USH2A: variants seen among roughly 807,000 people sequenced by gnomAD.
USH2A encodes usherin, also known as Usher syndrome 2A (autosomal recessive, mild).
A neutral mutation model predicts 538.9 loss-of-function variants in USH2A; 443 were observed. The ratio of observed to expected loss-of-function variants is 0.82; its 90% CI spans 0.76 to 0.89. The LOEUF is 0.89. USH2A is among the 40% of genes least tolerant of loss of function. The pLI, the probability that USH2A is intolerant of heterozygous loss-of-function variation, is 0.00. For missense variants in USH2A, 6,633 were observed against 6,324.8 expected, an observed-to-expected ratio of 1.05 and a Z score of -1.65; for synonymous variants, 2,413 against 2,273.5, an observed-to-expected ratio of 1.06 and a Z score of -1.75.
chr1:216,129,792 A>G (rs904868687), intron 21 of USH2A, among the ~76,000 whole-genome samples: 1 of 152,116 alleles, frequency 6.6e-6, no homozygotes, highest in Non-Finnish European at 1.5e-5. Context: ...GCATCACATT[A>G]CCTGACTTCA....
chr1:215,649,163 A>G (rs1393588025), intron 65 of USH2A, among the ~76,000 whole-genome samples: 3 of 152,226 alleles, frequency 2.0e-5, no homozygotes, highest in African/African-American at 4.8e-5. Context: ...TCTAGTCAGC[A>G]TTCACCAAGG....
intron 21 of USH2A, among the ~76,000 whole-genome samples, chr1:216,140,859 G>A (rs927222725): frequency 1.3e-5 from 2 of 152,174 alleles, no homozygotes; most frequent in Non-Finnish European, 2.9e-5. Context: ...TGGACCCAAA[G>A]GCCACAGGCT....
intron 47 of USH2A, among the ~76,000 whole-genome samples, chr1:215,833,584 C>A (rs1470439451): frequency 6.6e-6 from 1 of 151,836 alleles, no homozygotes; most frequent in African/African-American, 2.4e-5. Context: ...TGTAAACATA[C>A]AAATGTTCTA....
chr1:216,202,649 C>T (rs2035025607), intron 16 of USH2A, among the ~76,000 whole-genome samples: 1 of 152,134 alleles, frequency 6.6e-6, no homozygotes, highest in South Asian at 2.1e-4. Context: ...GGCTGATACC[C>T]TCCTGGTTTG....
intron 32 of USH2A, among the ~76,000 whole-genome samples, chr1:216,039,386 A>G (rs2030159248): frequency 6.6e-6 from 1 of 152,018 alleles, no homozygotes; most frequent in Non-Finnish European, 1.5e-5. Flanking sequence ...TGACTGAGAC[A>G]TCAAAGGGAA....
intron 21 of USH2A, among the ~76,000 whole-genome samples, chr1:216,119,526 ATGT>A (rs1199599981): frequency 6.6e-6 from 1 of 152,036 alleles, no homozygotes; most frequent in Non-Finnish European, 1.5e-5. Flanking sequence ...TAGGAACTCT[ATGT>A]TGTTTTAAAG....
At chr1:215,782,662 T>C (rs982455609) in intron 53 of USH2A, 76 bp downstream of exon 53, 6 of 1,481,974 alleles carry the variant, frequency 4.0e-6, no homozygotes, top group Admixed American at 1.7e-5. Flanking sequence ...GGCAATTAAA[T>C]GTAGATTGTA....
intron 21 of USH2A, among the ~76,000 whole-genome samples, chr1:216,164,435 G>T (rs2034126842): frequency 6.6e-6 from 1 of 152,032 alleles, no homozygotes; most frequent in Non-Finnish European, 1.5e-5. Context: ...AGAAGTGGAA[G>T]AAAAGAATCC....
At chr1:215,865,165 A>G (rs1462928463) in intron 44 of USH2A, among the ~76,000 whole-genome samples, 1 of 152,206 alleles carries the variant, frequency 6.6e-6, no homozygotes, top group Admixed American at 6.5e-5. Flanking sequence ...TAATTTACTT[A>G]AGATAGCAAG....
intron 14 of USH2A, among the ~76,000 whole-genome samples, chr1:216,218,457 G>A (rs2035388289): frequency 6.6e-6 from 1 of 152,010 alleles, no homozygotes; most frequent in African/African-American, 2.4e-5. Context: ...CTCTCCTTGT[G>A]GTACGTTTAA....
rs537897368 is a variant in USH2A, at chr1:215,858,532, C to T, written c.8845+8475G>A. ...TCGTCTCTTCACCTTCTGCCATGAT[C>T]GTAAGTTTCCTGAGGCCTTTCCAGC... is the stretch of plus-strand genomic sequence containing the variant. On this transcript the variant is annotated intron_variant, in intron 44 of 71. Coordinates refer to ENST00000307340, the MANE Select transcript of USH2A (RefSeq NM_206933.4). 1.3e-3 allele frequency among the ~76,000 whole-genome samples: 193 copies of T among 149,594 alleles called. 3 individuals carry two copies. Among genetic ancestry groups the T allele is most frequent in the Middle Eastern group, 0.01 (3 of 294 alleles).
chr1:215,928,389 T>C (rs370394818), intron 38 of USH2A, among the ~76,000 whole-genome samples: 1 of 148,846 alleles, frequency 6.7e-6, no homozygotes, highest in Non-Finnish European at 1.5e-5. Flanking sequence ...GCTTTCTTCA[T>C]TTTTTTTGGT....
intron 58 of USH2A, among the ~76,000 whole-genome samples, chr1:215,749,256 G>C (rs1422935433): frequency 6.6e-6 from 1 of 152,132 alleles, no homozygotes. Flanking sequence ...GTTATAAAAA[G>C]GACAGGACTC....
At chr1:216,224,228 T>TG (rs1316933264) in intron 14 of USH2A, among the ~76,000 whole-genome samples, 1 of 152,078 alleles carries the variant, frequency 6.6e-6, no homozygotes, top group Non-Finnish European at 1.5e-5. Context: ...CTGGGGGCTA[T>TG]GGGGGAGAGT....
At chr1:215,973,816 G>A (rs1414377737) in intron 35 of USH2A, among the ~76,000 whole-genome samples, 6 of 151,978 alleles carry the variant, frequency 3.9e-5, no homozygotes, top group Non-Finnish European at 7.4e-5. Flanking sequence ...TGGCAAATAA[G>A]CTGAGAATGA....
intron 20 of USH2A, among the ~76,000 whole-genome samples, chr1:216,181,282 C>T (rs1157744200): frequency 1.3e-5 from 2 of 152,014 alleles, no homozygotes; most frequent in Non-Finnish European, 2.9e-5. Flanking sequence ...AGGACCTCTT[C>T]CAGTTTCAAA....
At chr1:215,812,291 C>A (rs1021968453) in intron 49 of USH2A, among the ~76,000 whole-genome samples, 1 of 152,028 alleles carries the variant, frequency 6.6e-6, no homozygotes, top group African/African-American at 2.4e-5. Flanking sequence ...CAGACAGACC[C>A]TAGGTTTTGA....
At chr1:216,419,555 G>T (rs142535714) in intron 2 of USH2A, among the ~76,000 whole-genome samples, 1 of 151,952 alleles carries the variant, frequency 6.6e-6, no homozygotes, top group Non-Finnish European at 1.5e-5. Flanking sequence ...GCTCAGGGTC[G>T]GTTGAGGGGT....
chr1:215,791,512 C>T (rs11120631), intron 50 of USH2A, among the ~76,000 whole-genome samples: 1 of 151,916 alleles, frequency 6.6e-6, no homozygotes, highest in Non-Finnish European at 1.5e-5. Context: ...CTCCAAAGAA[C>T]CCTCTCATTC....
Sources: gnomAD v4.1 joint callset for allele counts (sites outside exome capture counted in the v4.1 genomes callset) on GRCh38, gnomAD v4.1.1 for gene constraint, MANE v1.5 for transcripts, NCBI Gene and HGNC (gene_info 2026-07-23, HGNC 2026-07-21) for gene names.